USH2A: variants seen among roughly 807,000 people sequenced by gnomAD.
USH2A encodes the protein usherin.
A neutral mutation model predicts 538.9 loss-of-function variants in USH2A; 443 were observed. The ratio of observed to expected loss-of-function variants is 0.82; its 90% CI spans 0.76 to 0.89. The LOEUF (loss-of-function observed/expected upper bound fraction) is 0.89, where lower values mean the gene tolerates loss of function less well. Among genes scored for constraint, USH2A ranks in the 40% least tolerant of loss-of-function variants. The pLI, the probability that USH2A is intolerant of heterozygous loss-of-function variation, is 0.00. For synonymous variants in USH2A, 2,413 were observed against 2,273.5 expected, an observed-to-expected ratio of 1.06 and a Z score of -1.75; for missense variants, 6,633 against 6,324.8, an observed-to-expected ratio of 1.05 and a Z score of -1.65.
intron 61 of USH2A, among the ~76,000 whole-genome samples, chr1:215,686,528 G>A (rs1432454746): frequency 6.6e-6 from 1 of 152,070 alleles, no homozygotes; most frequent in African/African-American, 2.4e-5. Context: ...ATTGTGATAA[G>A]ACTAAAGAGG....
intron 3 of USH2A, among the ~76,000 whole-genome samples, chr1:216,401,079 T>A (rs2039295417): frequency 6.6e-6 from 1 of 152,102 alleles, no homozygotes. Context: ...ATTTCACGGT[T>A]GAAGCAAAAA....
intron 44 of USH2A, among the ~76,000 whole-genome samples, chr1:215,847,194 C>G (rs12132798): frequency 0.034 from 5,163 of 152,212 alleles, 96 homozygotes; most frequent in African/African-American, 0.05. Context: ...AACAAGAGAA[C>G]ATGAAAACAG....
At chr1:216,116,331 C>A (rs1400123759) in intron 21 of USH2A, among the ~76,000 whole-genome samples, 1 of 151,880 alleles carries the variant, frequency 6.6e-6, no homozygotes, top group African/African-American at 2.4e-5. Context: ...CTAAAATATA[C>A]TGTATTTTAT....
chr1:216,202,914 A>G (rs1458813359), intron 16 of USH2A, among the ~76,000 whole-genome samples: 5 of 151,970 alleles, frequency 3.3e-5, no homozygotes, highest in Non-Finnish European at 7.4e-5. Flanking sequence ...TAACACCCCA[A>G]GTTTACTCTG....
At chr1:216,174,424 C>T (rs2034332508) in intron 21 of USH2A, 1 of 985,142 alleles carries the variant, frequency 1.0e-6, no homozygotes, top group Non-Finnish European at 1.2e-6. Context: ...GGTCATGGGA[C>T]TTCCAAAATA....
chr1:215,954,264 C>A (rs1010955514), intron 37 of USH2A, among the ~76,000 whole-genome samples: 4 of 151,968 alleles, frequency 2.6e-5, no homozygotes, highest in African/African-American at 9.7e-5. Flanking sequence ...CACATGCACA[C>A]GTATGTTTAT....
At position 216,109,306 on chromosome 1, in the gene USH2A, T is replaced by A. The variant is rs74744440; in HGVS notation, c.4628-12093A>T. 1.2e-4 allele frequency among the ~76,000 whole-genome samples: 19 copies of A among 152,228 alleles called. No homozygotes were observed. In the East Asian group the frequency reaches 3.1e-3, roughly 25 times the overall value. On this transcript the variant is annotated intron_variant, in intron 21 of 71. Coordinates refer to ENST00000307340, the MANE Select transcript of USH2A (RefSeq NM_206933.4). ...TTCATCTTACTAGGCTACATTGTTG[T>A]CTAAGGGTGGATGGTTTCCCCTTGA...
At chr1:216,017,259 G>A (rs189206756) in intron 32 of USH2A, among the ~76,000 whole-genome samples, 7 of 151,562 alleles carry the variant, frequency 4.6e-5, no homozygotes, top group Admixed American at 1.3e-4. Flanking sequence ...AAACACACAC[G>A]CACACACACA....
At chr1:215,727,784 T>A (rs1171377564) in intron 61 of USH2A, among the ~76,000 whole-genome samples, 6 of 152,144 alleles carry the variant, frequency 3.9e-5, no homozygotes, top group African/African-American at 1.4e-4. Flanking sequence ...ATTTTATGAA[T>A]AAATAAAATT....
intron 69 of USH2A, among the ~76,000 whole-genome samples, chr1:215,637,550 T>C (rs749322843): frequency 2.0e-5 from 3 of 152,212 alleles, no homozygotes; most frequent in Admixed American, 6.5e-5. Flanking sequence ...TGGGGAAATA[T>C]TGGAGTTGCT....
rs754887774 is a variant in USH2A, at chr1:215,782,904, C to T, written c.10419G>A (p.Glu3473=). ...AGCTGTTCCAGGCAGAAATCCTGTA[C>T]TCATATGTCATGTAGGGCTTGAGGT... ...DVNLKPYMTY[E]YRISAWNSYG... Residue 3473 remains glutamate, a synonymous_variant, in exon 53 of 72, where the codon GAG becomes GAA. Coordinates refer to ENST00000307340, the MANE Select transcript of USH2A (RefSeq NM_206933.4). 1.2e-6 allele frequency: 2 copies of T among 1,613,598 alleles called. No individual in the cohort carries two copies.
intron 24 of USH2A, 103 bp downstream of exon 24, chr1:216,086,616 T>C (rs2032141487): frequency 6.0e-6 from 6 of 1,000,886 alleles, no homozygotes; most frequent in African/African-American, 3.3e-5. Flanking sequence ...ATAGAAAATA[T>C]AGCATGAGGT....
chr1:215,960,031 T>C (rs1163197455), intron 37 of USH2A, among the ~76,000 whole-genome samples: 1 of 152,140 alleles, frequency 6.6e-6, no homozygotes, highest in Non-Finnish European at 1.5e-5. Context: ...ACAGGATCAG[T>C]GTGAAGAATC....
At chr1:215,780,170 A>G (rs1661589104) in intron 54 of USH2A, 129 bp from the exon 55 acceptor site, 1 of 1,053,870 alleles carries the variant, frequency 9.5e-7, no homozygotes, top group Non-Finnish European at 1.4e-6. Flanking sequence ...TTGGAGAAGC[A>G]TTTCCCTTTT....
chr1:215,832,968 AC>A (rs754496279), intron 47 of USH2A, among the ~76,000 whole-genome samples: 1 of 151,820 alleles, frequency 6.6e-6, no homozygotes, highest in East Asian at 1.9e-4. Context: ...TAATAATAGC[AC>A]CCCCCAAATA....
intron 48 of USH2A, among the ~76,000 whole-genome samples, chr1:215,814,441 A>G (rs1437374373): frequency 6.6e-6 from 1 of 151,910 alleles, no homozygotes; most frequent in Non-Finnish European, 1.5e-5. Flanking sequence ...ACAACAGAAG[A>G]AGTTAATTAA....
chr1:216,258,800 A>G (rs1256306899), intron 11 of USH2A, among the ~76,000 whole-genome samples: 1 of 152,108 alleles, frequency 6.6e-6, no homozygotes, highest in African/African-American at 2.4e-5. Context: ...AAATTCTATC[A>G]CAATGTTCAG....
chr1:216,028,672 T>A (rs900832183), intron 32 of USH2A, among the ~76,000 whole-genome samples: 1 of 152,030 alleles, frequency 6.6e-6, no homozygotes, highest in Non-Finnish European at 1.5e-5. Context: ...ATAACTGTCA[T>A]ATAGAGTGCA....
intron 37 of USH2A, among the ~76,000 whole-genome samples, chr1:215,952,000 G>T (rs1409168674): frequency 1.3e-4 from 19 of 151,302 alleles, no homozygotes; most frequent in Admixed American, 7.2e-4. Context: ...GAGTAGCTGG[G>T]ACTACAGGCG....
Sources: allele counts gnomAD v4.1 joint callset (sites outside exome capture counted in the v4.1 genomes callset), GRCh38; gene constraint gnomAD v4.1.1; transcripts MANE v1.5; gene names NCBI Gene and HGNC (gene_info 2026-07-23, HGNC 2026-07-21).